The following VAV3 variants were observed in gnomAD, a reference collection of about 807,000 sequenced individuals.
VAV3 encodes the protein guanine nucleotide exchange factor VAV3.
Under a neutral mutation model 131.2 loss-of-function variants are expected in VAV3, and 94 were observed. That is an observed-to-expected ratio of 0.72 (90% CI 0.61 to 0.85). The LOEUF (loss-of-function observed/expected upper bound fraction) is 0.85. VAV3 is among the 40% of genes least tolerant of loss of function. VAV3 has a pLI of 0.00. For missense variants in VAV3, 939 were observed against 1,002.7 expected, an observed-to-expected ratio of 0.94 and a Z score of 0.86; for synonymous variants, 349 against 342.0, an observed-to-expected ratio of 1.02 and a Z score of -0.22.
Position 107,603,044 on chromosome 1 carries a change from T to C in VAV3, c.2132+3A>G. 1.9e-6 allele frequency: 3 copies of C among 1,602,506 alleles called. No homozygotes were observed. Among genetic ancestry groups the C allele is most frequent in the Non-Finnish European group, 1.7e-6 (2 of 1,169,970 alleles). On this transcript the variant is annotated splice_donor_region_variant and intron_variant, in intron 23 of 26. Transcript: ENST00000370056. ...TTTCTGTAAAAGTACTTGTCCTACT[T>C]ACTTAATGCTAATTGCATATTCTCC...
At chr1:107,678,925 A>T (rs934503873) in intron 19 of VAV3, among the ~76,000 whole-genome samples, 8 of 152,078 alleles carry the variant, frequency 5.3e-5, no homozygotes, top group African/African-American at 1.7e-4. Context: ...TATAATATTT[A>T]AAAATTTTAT....
At chr1:107,789,527 T>C (rs1666184933) in intron 2 of VAV3, among the ~76,000 whole-genome samples, 1 of 152,198 alleles carries the variant, frequency 6.6e-6, no homozygotes, top group Admixed American at 6.5e-5. Flanking sequence ...ATGACAGTCC[T>C]TAAAGTCTGT....
At chr1:107,894,130 A>G (rs1023465827) in intron 1 of VAV3, among the ~76,000 whole-genome samples, 2 of 152,250 alleles carry the variant, frequency 1.3e-5, no homozygotes, top group Non-Finnish European at 2.9e-5. Context: ...ATTATTTCCT[A>G]TAGTTGACTG....
intron 2 of VAV3, among the ~76,000 whole-genome samples, chr1:107,856,203 A>G (rs1418249426): frequency 6.6e-6 from 1 of 152,208 alleles, no homozygotes; most frequent in Non-Finnish European, 1.5e-5. Flanking sequence ...ATACAAGGAG[A>G]GACACTGAAG....
At chr1:107,700,397 C>T (rs1350390443) in intron 17 of VAV3, among the ~76,000 whole-genome samples, 1 of 152,210 alleles carries the variant, frequency 6.6e-6, no homozygotes, top group Non-Finnish European at 1.5e-5. Flanking sequence ...CCTATCAACG[C>T]ATCACCTAAG....
At chr1:107,942,259 G>T (rs900610767) in intron 1 of VAV3, among the ~76,000 whole-genome samples, 5 of 152,242 alleles carry the variant, frequency 3.3e-5, no homozygotes, top group African/African-American at 1.2e-4. Flanking sequence ...CAAACTAGAA[G>T]AAAGTACCCC....
At chr1:107,582,620 T>C (rs1230618515) in intron 25 of VAV3, among the ~76,000 whole-genome samples, 1 of 142,092 alleles carries the variant, frequency 7.0e-6, no homozygotes, top group Non-Finnish European at 1.5e-5. Flanking sequence ...TGTCCATGTG[T>C]TCTCATTGTT....
At chr1:107,796,698 C>T (rs1666563337) in intron 2 of VAV3, among the ~76,000 whole-genome samples, 1 of 151,208 alleles carries the variant, frequency 6.6e-6, no homozygotes, top group African/African-American at 2.4e-5. Context: ...TCTTTTAACT[C>T]ACAAAATAAA....
chr1:107,692,071 C>G (rs1659463530), intron 17 of VAV3, among the ~76,000 whole-genome samples: 1 of 152,074 alleles, frequency 6.6e-6, no homozygotes. Context: ...GACTGCCTAT[C>G]TCAACAGGGG....
intron 15 of VAV3, among the ~76,000 whole-genome samples, chr1:107,737,191 T>C (rs1325403356): frequency 1.3e-5 from 2 of 152,196 alleles, no homozygotes; most frequent in Admixed American, 6.5e-5. Context: ...TTACACCTTA[T>C]ACAAAAATCA....
At chr1:107,957,674 C>A (rs1674881692) in intron 1 of VAV3, among the ~76,000 whole-genome samples, 2 of 151,818 alleles carry the variant, frequency 1.3e-5, no homozygotes, top group South Asian at 2.1e-4. Context: ...ATAAGAGGTA[C>A]AAGAGAATCA....
chr1:107,704,599 G>A lies in VAV3; in HGVS notation c.1656C>T (p.His552=), dbSNP rs537258415. Residue 552 remains histidine, a synonymous_variant, in exon 17 of 27, where the codon CAC becomes CAT. Transcript: ENST00000370056. Reference sequence around the variant, plus strand: ...TGTCTACTCTTCCCAAACATTCTTTGTGTGCTCTCGCTCCACACTTAAAAC... The same window carrying A: ...TGTCTACTCTTCCCAAACATTCTTTATGTGCTCTCGCTCCACACTTAAAAC... ...YLCFKCGARA[H]KECLGRVDNC... 226 of 1,613,896 alleles carry A rather than the reference G, an allele frequency of 1.4e-4. 4 individuals carry two copies. The South Asian group carries it at 2.3e-3, about 16-fold the overall frequency.
intron 1 of VAV3, among the ~76,000 whole-genome samples, chr1:107,953,829 G>C (rs1004736816): frequency 6.6e-6 from 1 of 152,168 alleles, no homozygotes; most frequent in African/African-American, 2.4e-5. Flanking sequence ...TGGAAGGTGA[G>C]TATCAAGTGT....
intron 15 of VAV3, among the ~76,000 whole-genome samples, chr1:107,728,358 G>A (rs1316586272): frequency 6.6e-6 from 1 of 152,112 alleles, no homozygotes; most frequent in Non-Finnish European, 1.5e-5. Flanking sequence ...CTACTCCTGT[G>A]GCTTTGGGCA....
intron 20 of VAV3, among the ~76,000 whole-genome samples, chr1:107,624,795 T>A (rs1283762289): frequency 2.0e-5 from 3 of 152,244 alleles, no homozygotes; most frequent in African/African-American, 7.2e-5. Flanking sequence ...AAGAAAAGTT[T>A]ATTGACTTCC....
intron 2 of VAV3, among the ~76,000 whole-genome samples, chr1:107,791,658 AT>A (rs1176745808): frequency 1.3e-5 from 2 of 152,162 alleles, no homozygotes; most frequent in East Asian, 3.8e-4. Context: ...TAGCATGAGA[AT>A]TTTTTTAAAG....
At chr1:107,673,681 A>G (rs751840067) in intron 19 of VAV3, 13 of 152,246 alleles carry the variant, frequency 8.5e-5, no homozygotes, top group Non-Finnish European at 1.8e-4. Context: ...CTTGTCAAAG[A>G]GTTGAAAGAA....
intron 15 of VAV3, among the ~76,000 whole-genome samples, chr1:107,744,679 A>AT (rs1332039199): frequency 6.6e-6 from 1 of 152,078 alleles, no homozygotes; most frequent in South Asian, 2.1e-4. Context: ...ATACTTCTTT[A>AT]TTTTTTACTC....
intron 22 of VAV3, among the ~76,000 whole-genome samples, chr1:107,604,471 A>C (rs1053568208): frequency 3.5e-4 from 53 of 152,160 alleles, no homozygotes; most frequent in Non-Finnish European, 1.0e-4. Context: ...CTTCAACCTT[A>C]TCTCTTACAT....
Sources: gnomAD v4.1 joint callset for allele counts (sites outside exome capture counted in the v4.1 genomes callset) on GRCh38, gnomAD v4.1.1 for gene constraint, MANE v1.5 for transcripts, NCBI Gene and HGNC (gene_info 2026-07-23, HGNC 2026-07-21) for gene names.